Variants in SLC2A9 observed in about 807,000 individuals in gnomAD.
The protein encoded by SLC2A9 is solute carrier family 2, facilitated glucose transporter member 9.
A neutral mutation model predicts 50.6 loss-of-function variants in SLC2A9; 39 were observed. The observed-to-expected ratio is 0.77, with a 90% CI of 0.60 to 1.01. SLC2A9 has a LOEUF of 1.01. SLC2A9 is among the 50% of genes least tolerant of loss of function. The pLI is 0.00. For synonymous variants in SLC2A9, 324 were observed against 276.9 expected (o/e 1.17, Z -1.69); for missense variants, 686 against 677.6 (o/e 1.01, Z -0.14).
Position 9,936,605 on chromosome 4 carries a change from G to C in SLC2A9, c.814+5308C>G, listed in dbSNP as rs549692240. Among the ~76,000 whole-genome samples, 3 of 152,370 alleles carry C rather than the reference G, an allele frequency of 2.0e-5. No individual in the cohort carries two copies. In the South Asian group the frequency reaches 6.2e-4, roughly 32 times the overall value. On this transcript the variant is annotated intron_variant, in intron 6 of 11. Coordinates refer to ENST00000264784, the MANE Select transcript of SLC2A9 (RefSeq NM_020041.3). Reference sequence around the variant, plus strand: ...AATATTTAGATGAATGTCTGGAGCAGCAGGTGTCTGCTGAATGTCTGCATG... The same window carrying C: ...AATATTTAGATGAATGTCTGGAGCACCAGGTGTCTGCTGAATGTCTGCATG...
intron 3 of SLC2A9, among the ~76,000 whole-genome samples, chr4:9,992,255 T>C (rs935275776): frequency 6.6e-6 from 1 of 152,216 alleles, no homozygotes; most frequent in Non-Finnish European, 1.5e-5. Context: ...TCACTCATCA[T>C]TCTCAAGGCA....
At chr4:9,954,628 TCTACAGACC>T (rs1424024953) in intron 5 of SLC2A9, among the ~76,000 whole-genome samples, 2 of 152,148 alleles carry the variant, frequency 1.3e-5, no homozygotes, top group African/African-American at 4.8e-5. Flanking sequence ...GTCTACAGAC[TCTACAGACC>T]CAAATGTTCC....
intron 3 of SLC2A9, among the ~76,000 whole-genome samples, chr4:9,788,152 T>C (rs946977497): frequency 2.6e-5 from 4 of 152,168 alleles, no homozygotes; most frequent in Non-Finnish European, 2.9e-5. Flanking sequence ...TTGTTTTATA[T>C]ATTTATTTAC....
chr4:9,785,441 G>T (rs1389865661), intron 3 of SLC2A9, among the ~76,000 whole-genome samples: 2 of 152,198 alleles, frequency 1.3e-5, no homozygotes, highest in Admixed American at 6.5e-5. Flanking sequence ...ACCTTGTTTG[G>T]TGGAATTCCT....
intron 6 of SLC2A9, among the ~76,000 whole-genome samples, chr4:9,938,908 T>C (rs771615263): frequency 6.6e-6 from 1 of 152,014 alleles, no homozygotes; most frequent in Non-Finnish European, 1.5e-5. Context: ...CACTATGAAC[T>C]GGGGGTGGGG....
intron 6 of SLC2A9, among the ~76,000 whole-genome samples, chr4:9,941,176 T>A (rs1458687261): frequency 6.6e-6 from 1 of 152,216 alleles, no homozygotes; most frequent in East Asian, 1.9e-4. Context: ...AGAATGTGAT[T>A]GTTCATTCTG....
chr4:9,848,123 G>T (rs1729267331), intron 10 of SLC2A9, among the ~76,000 whole-genome samples: 2 of 152,176 alleles, frequency 1.3e-5, no homozygotes, highest in African/African-American at 4.8e-5. Context: ...TCCTCCCTAG[G>T]AATTCCTGGT....
At chr4:10,007,497 G>C (rs1761000362) in intron 2 of SLC2A9, among the ~76,000 whole-genome samples, 1 of 152,240 alleles carries the variant, frequency 6.6e-6, no homozygotes, top group Non-Finnish European at 1.5e-5. Flanking sequence ...TTTGCAGTGA[G>C]GGGGCAGCCA....
At chr4:9,860,840 G>A (rs1051855889) in intron 10 of SLC2A9, among the ~76,000 whole-genome samples, 3 of 152,174 alleles carry the variant, frequency 2.0e-5, no homozygotes, top group Non-Finnish European at 4.4e-5. Context: ...TCGGAGCTGC[G>A]ATCATGAATG....
intron 8 of SLC2A9, among the ~76,000 whole-genome samples, chr4:9,898,366 T>A (rs1008258632): frequency 2.0e-5 from 3 of 152,270 alleles, no homozygotes; most frequent in African/African-American, 7.2e-5. Context: ...AAATTTAATT[T>A]ATTTCAAATT....
chr4:9,846,139 G>A (rs1430521648), intron 10 of SLC2A9, among the ~76,000 whole-genome samples: 4 of 152,158 alleles, frequency 2.6e-5, no homozygotes, highest in African/African-American at 7.2e-5. Context: ...ACTTGGCTCC[G>A]AATCCAAGAG....
intron 5 of SLC2A9, among the ~76,000 whole-genome samples, chr4:9,947,437 C>T (rs1418019251): frequency 2.0e-5 from 3 of 152,126 alleles, no homozygotes; most frequent in African/African-American, 7.2e-5. Flanking sequence ...TAAATCCAGC[C>T]CACTCTGACC....
At chr4:9,882,713 A>C (rs79774202) in intron 10 of SLC2A9, among the ~76,000 whole-genome samples, 1 of 117,046 alleles carries the variant, frequency 8.5e-6, no homozygotes, top group East Asian at 2.3e-4. Flanking sequence ...TGTCTCAAGA[A>C]AAAAAAAAAA....
chr4:9,776,926 C>T (rs1717647107), downstream of SLC2A9, among the ~76,000 whole-genome samples: 1 of 152,142 alleles, frequency 6.6e-6, no homozygotes, highest in Admixed American at 6.5e-5. Flanking sequence ...CTACAGATAT[C>T]CTGACCCTTT....
upstream of SLC2A9, chr4:10,026,040 A>G (rs74794351): frequency 4.1e-3 from 6,154 of 1,505,704 alleles, 18 homozygotes; most frequent in Non-Finnish European, 5.0e-3. Context: ...GCCATTAGAC[A>G]GCTGCTTTCT....
chr4:9,823,716 T>C (rs1331172154), downstream of SLC2A9, among the ~76,000 whole-genome samples: 2 of 152,190 alleles, frequency 1.3e-5, no homozygotes, highest in African/African-American at 4.8e-5. Flanking sequence ...ACTTTATACA[T>C]GAAGAATTCA....
At chr4:9,892,024 AGG>A (rs1737553557) in intron 8 of SLC2A9, among the ~76,000 whole-genome samples, 1 of 152,248 alleles carries the variant, frequency 6.6e-6, no homozygotes, top group Non-Finnish European at 1.5e-5. Flanking sequence ...ACCCAGCTGC[AGG>A]GACCCCAGTG....
intron 10 of SLC2A9, among the ~76,000 whole-genome samples, chr4:9,872,541 C>CAT (rs1328955351): frequency 6.6e-6 from 1 of 152,204 alleles, no homozygotes; most frequent in Non-Finnish European, 1.5e-5. Context: ...GTTGCTATAT[C>CAT]GCTTGCTATC....
At position 9,784,911 on chromosome 4, in the gene SLC2A9, T is replaced by C. The variant is rs1284758865; in HGVS notation, n.386-4846A>G. ...TTCTGTGCAGCCATATCTTGATCAC[T>C]GCAAAATGTGCAGTTCCTGGCACAT... On this transcript the variant is annotated intron_variant and non_coding_transcript_variant, in intron 3 of 3. Transcript: ENST00000503803. 2.6e-5 allele frequency among the ~76,000 whole-genome samples: 4 copies of C among 152,370 alleles called. No homozygotes were observed. In the East Asian group the frequency reaches 7.7e-4, roughly 29 times the overall value.
Sources: allele counts gnomAD v4.1 joint callset (sites outside exome capture counted in the v4.1 genomes callset), GRCh38; gene constraint gnomAD v4.1.1; transcripts MANE v1.5; gene names NCBI Gene and HGNC (gene_info 2026-07-23, HGNC 2026-07-21).